Variants in STXBP5L observed in about 807,000 individuals in gnomAD.
STXBP5L encodes syntaxin-binding protein 5-like.
A neutral mutation model predicts 144.5 loss-of-function variants in STXBP5L; 65 were observed. The ratio of observed to expected loss-of-function variants is 0.45; its 90% confidence interval spans 0.37 to 0.55. The LOEUF (loss-of-function observed/expected upper bound fraction) is 0.55, where lower values mean the gene tolerates loss of function less well. Ranked by LOEUF, STXBP5L falls within the 20% of genes least tolerant of loss-of-function variation. The probability of loss-of-function intolerance (pLI) is 0.00; values close to 1 mark genes in which losing one functional copy is unlikely to be tolerated. For missense variants in STXBP5L, 1,298 were observed against 1,405.5 expected (o/e 0.92, Z 1.22); for synonymous variants, 505 against 469.6 (o/e 1.08, Z -0.97).
At chr3:121,336,029 G>T (rs557013919) in intron 20 of STXBP5L, among the ~76,000 whole-genome samples, 2 of 152,050 alleles carry the variant, frequency 1.3e-5, no homozygotes, top group Non-Finnish European at 2.9e-5. Context: ...ATCTGACAAA[G>T]GACTAATATC....
chr3:121,147,379 A>G (rs1249775932), intron 7 of STXBP5L, among the ~76,000 whole-genome samples: 1 of 152,158 alleles, frequency 6.6e-6, no homozygotes, highest in Non-Finnish European at 1.5e-5. Context: ...CATAGAAGAA[A>G]TCAGTATAAA....
chr3:121,131,495 G>C (rs1009855312), intron 7 of STXBP5L, among the ~76,000 whole-genome samples: 1 of 152,122 alleles, frequency 6.6e-6, no homozygotes, highest in South Asian at 2.1e-4. Flanking sequence ...CCAAGCTATG[G>C]CCAGTGGGAC....
chr3:121,121,622 T>C lies in STXBP5L; in HGVS notation c.606-19T>C. The C allele has an allele frequency of 1.3e-6, 2 of 1,578,048 alleles. No homozygotes were observed. The highest frequency in any genetic ancestry group is 1.7e-6 in the Non-Finnish European group (2 of 1,153,576). On this transcript the variant is annotated intron_variant, in intron 6 of 26. Coordinates refer to ENST00000471454, the MANE Select transcript of STXBP5L (RefSeq NM_001308330.2). ...TTTAATGTTTGGTTTTTAATTACTG[T>C]TTTGAATTGATTTAACAGATCCACT... is the stretch of plus-strand genomic sequence containing the variant.
At chr3:121,288,616 G>T (rs1487131810) in intron 19 of STXBP5L, among the ~76,000 whole-genome samples, 1 of 152,068 alleles carries the variant, frequency 6.6e-6, no homozygotes, top group Non-Finnish European at 1.5e-5. Flanking sequence ...TTTTTCATAT[G>T]CTTGTTGGAA....
chr3:121,352,504 G>A (rs149737280), intron 20 of STXBP5L, among the ~76,000 whole-genome samples: 2 of 152,018 alleles, frequency 1.3e-5, no homozygotes, highest in Non-Finnish European at 2.9e-5. Context: ...TGCTGTATAG[G>A]AATGATTGTG....
intron 20 of STXBP5L, among the ~76,000 whole-genome samples, chr3:121,335,269 C>A (rs115521066): frequency 6.6e-6 from 1 of 151,960 alleles, no homozygotes; most frequent in South Asian, 2.1e-4. Context: ...AAGATCTCTA[C>A]AATGAAATTA....
chr3:121,020,761 G>A (rs191961993), intron 3 of STXBP5L, among the ~76,000 whole-genome samples: 29 of 151,860 alleles, frequency 1.9e-4, no homozygotes, highest in Admixed American at 1.9e-3. Flanking sequence ...GCTAAAGGGA[G>A]TTCTAAATCT....
intron 3 of STXBP5L, among the ~76,000 whole-genome samples, chr3:120,991,972 C>T (rs1041398087): frequency 1.3e-5 from 2 of 151,870 alleles, no homozygotes; most frequent in African/African-American, 2.4e-5. Context: ...AAAAAAAATC[C>T]ATATAGTGAT....
chr3:121,165,347 T>A (rs1265502994), intron 9 of STXBP5L, among the ~76,000 whole-genome samples: 1 of 152,180 alleles, frequency 6.6e-6, no homozygotes, highest in Non-Finnish European at 1.5e-5. Context: ...CATTGGGAAC[T>A]ATTTTCCCCC....
At chr3:121,186,505 C>G (rs141249450) in intron 9 of STXBP5L, among the ~76,000 whole-genome samples, 94,038 of 151,180 alleles carry the variant, frequency 0.62, 29,393 homozygotes, top group East Asian at 0.79. Flanking sequence ...TAGCATGAAG[C>G]ATTGTTGAAT....
intron 20 of STXBP5L, among the ~76,000 whole-genome samples, chr3:121,351,325 G>A (rs1576255184): frequency 6.6e-6 from 1 of 152,102 alleles, no homozygotes; most frequent in African/African-American, 2.4e-5. Flanking sequence ...TGGAAGTTTT[G>A]TCTCAGAGGA....
At chr3:121,079,088 G>A (rs1437003387) in intron 5 of STXBP5L, among the ~76,000 whole-genome samples, 3 of 152,270 alleles carry the variant, frequency 2.0e-5, no homozygotes, top group African/African-American at 7.2e-5. Flanking sequence ...AGTGAGGGCT[G>A]CAAGGGCTGC....
rs533980392 is a variant in STXBP5L, at chr3:121,262,785, G to T, written c.1958+3617G>T. Among the ~76,000 whole-genome samples the T allele has an allele frequency of 5.3e-5, 8 of 152,254 alleles. No individual in the cohort carries two copies. In the East Asian group the frequency reaches 1.5e-3, roughly 29 times the overall value. On this transcript the variant is annotated intron_variant, in intron 18 of 26. Transcript: ENST00000471454. The stretch of plus-strand genomic sequence containing the variant: ...AAGGTAAACATACCCATTCTAAAAG[G>T]AAGAATTAGGAAAAAAGAAAGGGAT...
chr3:121,279,737 T>G, intron 18 of STXBP5L, 68 bp from the exon 19 acceptor site: 2 of 1,558,592 alleles, frequency 1.3e-6, no homozygotes, highest in Non-Finnish European at 1.8e-6. Context: ...AATCCTATGA[T>G]TGATTTGAAG....
At chr3:121,056,090 C>G (rs951678937) in intron 5 of STXBP5L, among the ~76,000 whole-genome samples, 1 of 152,042 alleles carries the variant, frequency 6.6e-6, no homozygotes, top group Non-Finnish European at 1.5e-5. Context: ...CAAGTATGAA[C>G]CTTTGCATCT....
intron 20 of STXBP5L, among the ~76,000 whole-genome samples, chr3:121,361,547 T>C (rs1037731833): frequency 1.3e-5 from 2 of 152,022 alleles, no homozygotes; most frequent in South Asian, 2.1e-4. Flanking sequence ...ACTAATTCTT[T>C]CTTCTGCTTG....
At chr3:121,225,369 G>A (rs16832180) in intron 11 of STXBP5L, among the ~76,000 whole-genome samples, 15,163 of 152,094 alleles carry the variant, frequency 0.1, 952 homozygotes, top group Non-Finnish European at 0.14. Context: ...AGGCCAACTC[G>A]AGAGATGAGA....
At chr3:121,096,687 A>G (rs184975967) in intron 5 of STXBP5L, among the ~76,000 whole-genome samples, 6 of 148,906 alleles carry the variant, frequency 4.0e-5, no homozygotes, top group African/African-American at 1.2e-4. Context: ...ACAGCGAAAG[A>G]AAAAAAAAAG....
intron 5 of STXBP5L, among the ~76,000 whole-genome samples, chr3:121,055,841 T>A (rs1219065447): frequency 6.6e-6 from 1 of 150,628 alleles, no homozygotes; most frequent in African/African-American, 2.5e-5. Context: ...TGCACTATGA[T>A]GCCTGACTAA....
Sources: gnomAD v4.1 joint callset for allele counts (sites outside exome capture counted in the v4.1 genomes callset) on GRCh38, gnomAD v4.1.1 for gene constraint, MANE v1.5 for transcripts, NCBI Gene and HGNC (gene_info 2026-07-23, HGNC 2026-07-21) for gene names.